Variants in ODAD2 observed in about 807,000 individuals in gnomAD.
ODAD2 encodes the protein outer dynein arm-docking complex subunit 2.
ODAD2 carries 89 observed loss-of-function variants against 106.8 expected under a neutral mutation model. The observed-to-expected ratio is 0.83, with a 90% CI of 0.70 to 0.99. The LOEUF is 0.99. Ranked by LOEUF, ODAD2 falls within the 50% of genes least tolerant of loss-of-function variation. ODAD2 has a pLI of 0.00. For synonymous variants in ODAD2, 404 were observed against 436.2 expected (o/e 0.93, Z 0.92); for missense variants, 1,168 against 1,238.5 (o/e 0.94, Z 0.85).
In ODAD2 at chr10:27,862,616, C is replaced by T. The variant is rs765428794; in HGVS notation, c.2617G>A (p.Gly873Arg). ...CPCIKNAKDA[G>R]EMVRSFVGGL... The stretch of plus-strand genomic sequence containing the variant: ...CCAACAAAGGAACGAACCATTTCCC[C>T]AGCATCCTAGACAAAAATAAAAGTA... The change falls in exon 18 of 20, where the codon GGG becomes AGG. Residue 873 changes from glycine (G) to arginine (R), a missense_variant. Gly to Arg is a moderately radical substitution (Grantham distance 125). Around this residue, in one of 3 missense-constraint regions of ODAD2, gnomAD observed 701 missense variants for 712.3 expected, o/e 0.98. Coordinates refer to ENST00000305242, the MANE Select transcript of ODAD2 (RefSeq NM_018076.5). 1.6e-5 allele frequency: 26 copies of T among 1,599,242 alleles called. No homozygotes were observed. The highest frequency in any genetic ancestry group is 2.2e-5 in the Non-Finnish European group (26 of 1,174,096).
At chr10:27,827,379 C>CACACTATATATATATATATATA (rs1239159370) in intron 19 of ODAD2, among the ~76,000 whole-genome samples, 14 of 132,460 alleles carry the variant, frequency 1.1e-4, no homozygotes, top group Middle Eastern at 3.9e-3. Context: ...CACACACACA[C>CACACTATATATATATATATATA]TATATATATA....
intron 19 of ODAD2, among the ~76,000 whole-genome samples, chr10:27,832,956 A>G (rs112900232): frequency 5.8e-4 from 89 of 152,368 alleles, no homozygotes; most frequent in African/African-American, 1.9e-3. Flanking sequence ...GTCGAAGGAT[A>G]TATGAGGAAA....
At chr10:27,847,018 T>G (rs1838823820) in intron 19 of ODAD2, among the ~76,000 whole-genome samples, 1 of 152,226 alleles carries the variant, frequency 6.6e-6, no homozygotes, top group South Asian at 2.1e-4. Context: ...GGACCATTCC[T>G]TCTGAAACTA....
At position 27,967,354 on chromosome 10, in the gene ODAD2, CA is replaced by C. The variant is rs1403133806; in HGVS notation, c.1238+1568del. 1.8e-3 allele frequency among the ~76,000 whole-genome samples: 268 copies of C among 152,158 alleles called. 1 individual carries two copies. Among genetic ancestry groups the C allele is most frequent in the African/African-American group, 6.1e-3 (254 of 41,488 alleles). On this transcript the variant is annotated intron_variant, in intron 9 of 19. Transcript: ENST00000305242. ...AAGTCACTTATCCGAACTGTGATAT[CA>C]GTAGAGCCCACTGACAAAGTAACGA... is the stretch of plus-strand genomic sequence containing the variant.
intron 17 of ODAD2, among the ~76,000 whole-genome samples, chr10:27,900,064 G>T (rs572632018): frequency 7.0e-4 from 106 of 152,266 alleles, no homozygotes; most frequent in African/African-American, 2.5e-3. Context: ...ATATAGGAGA[G>T]CTCTGGCTGG....
chr10:27,899,923 G>A lies in ODAD2; in HGVS notation c.2610+7740C>T, dbSNP rs550161641. On this transcript the variant is annotated intron_variant, in intron 17 of 19. Transcript: ENST00000305242. ...TTAAACATTCCTGTCTGCTGGCTCT[G>A]AAGAGAGCAGTGGATCTCTCAGCAC... Among the ~76,000 whole-genome samples the A allele has an allele frequency of 6.4e-4, 97 of 152,308 alleles. 1 individual carries two copies. The highest frequency in any genetic ancestry group is 2.3e-3 in the African/African-American group (96 of 41,576).
chr10:27,992,903 A>G (rs1415540562), intron 2 of ODAD2, among the ~76,000 whole-genome samples: 1 of 152,136 alleles, frequency 6.6e-6, no homozygotes. Context: ...TCTGCTTTAA[A>G]TGCATTTTTA....
chr10:27,844,685 A>C (rs1838586956), intron 19 of ODAD2, among the ~76,000 whole-genome samples: 2 of 152,188 alleles, frequency 1.3e-5, no homozygotes, highest in African/African-American at 2.4e-5. Flanking sequence ...TGAATAAAAG[A>C]CTCTGTGTAA....
chr10:27,862,295 T>C, intron 18 of ODAD2, 139 bp downstream of exon 18: 1 of 517,134 alleles, frequency 1.9e-6, no homozygotes, highest in Non-Finnish European at 3.2e-6. Flanking sequence ...ACTAAATGAG[T>C]TGACCAAATC....
intron 16 of ODAD2, among the ~76,000 whole-genome samples, chr10:27,909,533 A>AG (rs535620795): frequency 9.9e-4 from 151 of 152,258 alleles, no homozygotes; most frequent in Non-Finnish European, 1.8e-3. Flanking sequence ...AAGAAGACTC[A>AG]GGGGCGGGGC....
intron 10 of ODAD2, among the ~76,000 whole-genome samples, chr10:27,947,345 A>G (rs1252790193): frequency 6.6e-6 from 1 of 152,044 alleles, no homozygotes; most frequent in Non-Finnish European, 1.5e-5. Context: ...TGCACCTGTA[A>G]TCTCAGCTAC....
intron 16 of ODAD2, among the ~76,000 whole-genome samples, chr10:27,916,282 T>C (rs560613445): frequency 6.6e-6 from 1 of 151,974 alleles, no homozygotes; most frequent in South Asian, 2.1e-4. Flanking sequence ...CTGAATGGGG[T>C]GAAGAGAACA....
intron 19 of ODAD2, among the ~76,000 whole-genome samples, chr10:27,833,362 T>C (rs1837625042): frequency 7.4e-6 from 1 of 134,466 alleles, no homozygotes; most frequent in Admixed American, 7.9e-5. Flanking sequence ...ACCTTACTTT[T>C]CCAGGGTACA....
chr10:27,871,214 C>T (rs1840856389), intron 17 of ODAD2, among the ~76,000 whole-genome samples: 1 of 151,782 alleles, frequency 6.6e-6, no homozygotes, highest in Non-Finnish European at 1.5e-5. Flanking sequence ...TTGTTTTTTT[C>T]TTCTAAATTT....
chr10:27,858,654 C>G (rs76359107), intron 19 of ODAD2, among the ~76,000 whole-genome samples: 1 of 13,034 alleles, frequency 7.7e-5, no homozygotes, highest in Non-Finnish European at 3.9e-4. Flanking sequence ...TGTGGGTGGG[C>G]CAAACACAGT....
chr10:27,824,138 CAAAAAAAA>C (rs71388934), intron 19 of ODAD2, among the ~76,000 whole-genome samples: 1 of 33,128 alleles, frequency 3.0e-5, no homozygotes, highest in African/African-American at 1.3e-4. Context: ...GACTCCGTCT[CAAAAAAAA>C]AAAAAAAAAA....
chr10:27,980,542 T>C (rs1849480308), intron 7 of ODAD2, among the ~76,000 whole-genome samples: 1 of 152,072 alleles, frequency 6.6e-6, no homozygotes, highest in African/African-American at 2.4e-5. Context: ...AAAAAAGATA[T>C]ACAGATAACC....
intron 1 of ODAD2, among the ~76,000 whole-genome samples, chr10:27,997,051 A>AT (rs1850598983): frequency 6.6e-6 from 1 of 152,232 alleles, no homozygotes; most frequent in African/African-American, 2.4e-5. Context: ...CATATATGCT[A>AT]TAAAAACCAA....
chr10:27,815,354 T>G lies in ODAD2; in HGVS notation c.3022-2729A>C, dbSNP rs575839189. Among the ~76,000 whole-genome samples the G allele has an allele frequency of 9.6e-4, 146 of 152,346 alleles. 1 individual carries two copies. Among genetic ancestry groups the G allele is most frequent in the Admixed American group, 2.4e-3 (37 of 15,302 alleles). On this transcript the variant is annotated intron_variant, in intron 19 of 19. Coordinates refer to ENST00000305242, the MANE Select transcript of ODAD2 (RefSeq NM_018076.5). ...AAAACAAAACAAAAAGACACCACTT[T>G]GACCCCATTTTCTTCCCTTCATAGC...
Sources: allele counts gnomAD v4.1 joint callset (sites outside exome capture counted in the v4.1 genomes callset), GRCh38; gene constraint gnomAD v4.1.1; regional missense constraint gnomAD v4.1.1; transcripts MANE v1.5; gene names NCBI Gene and HGNC (gene_info 2026-07-23, HGNC 2026-07-21).